Variants in SH3KBP1 observed in about 807,000 individuals in gnomAD.
SH3KBP1 encodes SH3 domain containing kinase binding protein 1, also known as SH3 domain-containing kinase-binding protein 1.
SH3KBP1 carries 8 observed loss-of-function variants against 50.1 expected under a neutral mutation model. The observed-to-expected ratio is 0.16, with a 90% CI of 0.09 to 0.29. The LOEUF (loss-of-function observed/expected upper bound fraction) is 0.29. Ranked by LOEUF, SH3KBP1 falls within the 10% of genes least tolerant of loss-of-function variation. The pLI, the probability that SH3KBP1 is intolerant of heterozygous loss-of-function variation, is 1.00. For missense variants in SH3KBP1, 377 were observed against 535.2 expected (o/e 0.70, Z 2.92); for synonymous variants, 227 against 218.6 (o/e 1.04, Z -0.34).
At position 19,545,903 on chromosome X, in the gene SH3KBP1, G is replaced by A. The variant is rs755034348; in HGVS notation, c.1623+19C>T. 6.6e-6 allele frequency: 8 copies of A among 1,207,504 alleles called. No individual in the cohort carries two copies. The highest frequency in any genetic ancestry group is 1.8e-5 in the South Asian group (1 of 56,670). ...TGCATGAAATGACAGGGACACCCTCGCCATGGCTGGTGACTCACTTGGGAT... is the reference window on the plus strand; with the variant it reads ...TGCATGAAATGACAGGGACACCCTCACCATGGCTGGTGACTCACTTGGGAT... On this transcript the variant is annotated intron_variant, in intron 15 of 17. Coordinates refer to ENST00000397821, the MANE Select transcript of SH3KBP1 (RefSeq NM_031892.3).
chrX:19,722,200 T>C (rs1029913565), intron 3 of SH3KBP1, among the ~76,000 whole-genome samples: 3 of 111,773 alleles, frequency 2.7e-5, no homozygotes, highest in South Asian at 3.7e-4. Context: ...ACGGTGCTCA[T>C]GAAGCTGCTT....
In SH3KBP1 at chrX:19,857,880, T is replaced by C. The variant is rs1029996417; in HGVS notation, c.5-21598A>G. Among the ~76,000 whole-genome samples, 4 of 111,821 alleles carry C rather than the reference T, an allele frequency of 3.6e-5. No homozygotes were observed. In the East Asian group the frequency reaches 1.1e-3, roughly 31 times the overall value. ...CCTTTGCCACTATGATAAATTCCTT[T>C]TTTTAAAAAGGAAAGGGGCTGGGCA... is the stretch of plus-strand genomic sequence containing the variant. On this transcript the variant is annotated intron_variant, in intron 1 of 17. Coordinates refer to ENST00000397821, the MANE Select transcript of SH3KBP1 (RefSeq NM_031892.3).
intron 3 of SH3KBP1, among the ~76,000 whole-genome samples, chrX:19,729,494 T>C (rs1206305929): frequency 2.7e-5 from 3 of 112,455 alleles, no homozygotes; most frequent in Non-Finnish European, 5.6e-5. Flanking sequence ...CCTGAGAGGA[T>C]CAGCAGGAAG....
chrX:19,779,952 A>T (rs1235667506), intron 2 of SH3KBP1, among the ~76,000 whole-genome samples: 4 of 110,043 alleles, frequency 3.6e-5, no homozygotes, highest in African/African-American at 1.3e-4. Context: ...CAGTAATGGG[A>T]TGGCTGGGTA....
intron 3 of SH3KBP1, among the ~76,000 whole-genome samples, chrX:19,741,240 T>A (rs1184999541): frequency 8.9e-6 from 1 of 111,878 alleles, no homozygotes; most frequent in Admixed American, 9.5e-5. Context: ...ACATATCAAT[T>A]CAGAGAGCAA....
chrX:19,718,731 G>A (rs183604766), intron 3 of SH3KBP1, among the ~76,000 whole-genome samples: 19 of 111,622 alleles, frequency 1.7e-4, no homozygotes, highest in African/African-American at 5.5e-4. Flanking sequence ...GAATGACAAG[G>A]GGCCTCGGAC....
At chrX:19,567,112 G>T (rs7065521) in intron 13 of SH3KBP1, among the ~76,000 whole-genome samples, 3,634 of 109,536 alleles carry the variant, frequency 0.033, 150 homozygotes, top group African/African-American at 0.11. Flanking sequence ...GTTAGGGAAG[G>T]GGGTGGGCTG....
At chrX:19,820,640 G>GTT (rs537818553) in intron 2 of SH3KBP1, among the ~76,000 whole-genome samples, 2 of 103,863 alleles carry the variant, frequency 1.9e-5, no homozygotes, top group Admixed American at 1.0e-4. Context: ...GTTGAGTCAA[G>GTT]TTTTTTTTTT....
At chrX:19,643,045 G>A (rs768790556) in intron 7 of SH3KBP1, among the ~76,000 whole-genome samples, 9 of 110,944 alleles carry the variant, frequency 8.1e-5, no homozygotes, top group Non-Finnish European at 1.5e-4. Context: ...CCAGAAGGAA[G>A]AGGGAAGGAG....
At chrX:19,734,200 A>ATTT (rs1018391613) in intron 3 of SH3KBP1, among the ~76,000 whole-genome samples, 16 of 111,522 alleles carry the variant, frequency 1.4e-4, no homozygotes, top group Non-Finnish European at 2.6e-4. Flanking sequence ...AGAGAATCTC[A>ATTT]TTTTTTTCTC....
chrX:19,688,572 A>T lies in SH3KBP1; in HGVS notation c.521-4544T>A, dbSNP rs1360698565. Among the ~76,000 whole-genome samples, 3 of 110,841 alleles carry T rather than the reference A, an allele frequency of 2.7e-5. No homozygotes were observed. The Admixed American group carries it at 2.9e-4, about 11-fold the overall frequency. ...CCATGAGCAACTATACAGAATACAC[A>T]CATACTGCCCTGGTTTGAGTGTACT... is the stretch of plus-strand genomic sequence containing the variant. On this transcript the variant is annotated intron_variant, in intron 5 of 17. Transcript: ENST00000397821.
intron 1 of SH3KBP1, among the ~76,000 whole-genome samples, chrX:19,837,906 T>C (rs778252048): frequency 2.0e-4 from 22 of 112,128 alleles, no homozygotes; most frequent in Non-Finnish European, 3.9e-4. Flanking sequence ...CTGTAAAGCA[T>C]GCATATGCTA....
chrX:19,749,143 G>A (rs1327308981), intron 2 of SH3KBP1, among the ~76,000 whole-genome samples: 2 of 112,490 alleles, frequency 1.8e-5, no homozygotes, highest in African/African-American at 6.5e-5. Flanking sequence ...GAAAACAAGT[G>A]TTGATGAGGA....
chrX:19,849,790 T>G (rs1268086356), intron 1 of SH3KBP1, among the ~76,000 whole-genome samples: 1 of 110,714 alleles, frequency 9.0e-6, no homozygotes, highest in African/African-American at 3.3e-5. Flanking sequence ...TTAAACTACA[T>G]GTAAAAATTG....
chrX:19,701,064 T>C (rs943461560), intron 4 of SH3KBP1, among the ~76,000 whole-genome samples: 2 of 112,307 alleles, frequency 1.8e-5, no homozygotes, highest in African/African-American at 6.5e-5. Context: ...ATCCATGATT[T>C]TTCATCAGAG....
intron 5 of SH3KBP1, chrX:19,687,737 G>T (rs755260964): frequency 6.1e-6 from 6 of 982,064 alleles, no homozygotes; most frequent in East Asian, 3.1e-5. Context: ...AACAAGAGAG[G>T]GGGGAGGAGG....
chrX:19,566,724 C>G (rs925492871), intron 13 of SH3KBP1, among the ~76,000 whole-genome samples: 2 of 112,219 alleles, frequency 1.8e-5, no homozygotes, highest in Non-Finnish European at 3.8e-5. Flanking sequence ...GTTATTGCAT[C>G]AGCCCAAGCT....
chrX:19,567,543 A>T lies in SH3KBP1; in HGVS notation c.1384+1560T>A, dbSNP rs1240059492. ...CAAAAAAAAAAAAAAAAAAAAAAAA[A>T]AAAAAAAAAAAAAAATATATATATA... On this transcript the variant is annotated intron_variant, in intron 13 of 17. Transcript: ENST00000397821. Among the ~76,000 whole-genome samples, 64 of 71,141 alleles carry T rather than the reference A, an allele frequency of 9.0e-4. 2 individuals carry two copies. The highest frequency in any genetic ancestry group is 3.8e-3 in the African/African-American group (55 of 14,343). The allele number at this position is 71,141 out of a possible 115,157, so 61.8% of individuals were successfully genotyped here.
intron 4 of SH3KBP1, among the ~76,000 whole-genome samples, chrX:19,703,235 C>A (rs2063567581): frequency 9.0e-6 from 1 of 111,533 alleles, no homozygotes; most frequent in African/African-American, 3.3e-5. Flanking sequence ...AATGGTAGCA[C>A]ACATTTGGTT....
Sources: allele counts gnomAD v4.1 joint callset (sites outside exome capture counted in the v4.1 genomes callset), GRCh38; gene constraint gnomAD v4.1.1; transcripts MANE v1.5; gene names NCBI Gene and HGNC (gene_info 2026-07-23, HGNC 2026-07-21).